The following SLC5A3 variants were observed in gnomAD, a reference collection of about 807,000 sequenced individuals.
SLC5A3 encodes the protein sodium/myo-inositol cotransporter.
A neutral mutation model predicts 43.2 loss-of-function variants in SLC5A3; 10 were observed. The observed-to-expected ratio is 0.23, with a 90% confidence interval of 0.14 to 0.39. The LOEUF (loss-of-function observed/expected upper bound fraction) is 0.39, where lower values mean the gene tolerates loss of function less well. SLC5A3 is among the 10% of genes least tolerant of loss of function. SLC5A3 has a pLI of 1.00. For missense variants in SLC5A3, 608 were observed against 893.4 expected (o/e 0.68, Z 4.07); for synonymous variants, 349 against 322.0 (o/e 1.08, Z -0.90).
Position 34,096,802 on chromosome 21 carries a change from C to T in SLC5A3, c.1604C>T (p.Pro535Leu). 1 of 1,614,056 alleles carries T rather than the reference C, an allele frequency of 6.2e-7. No homozygotes were observed. The highest frequency in any genetic ancestry group is 8.5e-7 in the Non-Finnish European group (1 of 1,179,962). ...GTAATTGTGAGCCTTCTCACACCAC[C>T]TCCCACAAAGGAACAGATTCGAACC... is the stretch of plus-strand genomic sequence containing the variant. ...ITVIVSLLTPPPTKEQIRTTT... is the reference protein window; with the variant it reads ...ITVIVSLLTPLPTKEQIRTTT... The change falls in exon 2 of 2, where the codon CCT becomes CTT. Residue 535 changes from proline to leucine, a missense_variant. By Grantham distance (98) the Pro-to-Leu change is moderately conservative (BLOSUM62 -3). Coordinates refer to ENST00000381151, the MANE Select transcript of SLC5A3 (RefSeq NM_006933.7). The surrounding 1 kb of genome is among the most constrained non-coding windows in gnomAD (Gnocchi z 5.9).
intron 1 of SLC5A3, among the ~76,000 whole-genome samples, chr21:34,078,666 C>T (rs1989389444): frequency 6.6e-6 from 1 of 152,106 alleles, no homozygotes; most frequent in Non-Finnish European, 1.5e-5. Flanking sequence ...TATTTTTCAT[C>T]TAGTGCCTTT....
chr21:34,091,673 C>G (rs1334785986), intron 1 of SLC5A3, among the ~76,000 whole-genome samples: 1 of 152,188 alleles, frequency 6.6e-6, no homozygotes, highest in East Asian at 1.9e-4. Flanking sequence ...ACCAAAACTG[C>G]ATTCTAATTC....
chr21:34,092,150 A>G (rs1461474897), intron 1 of SLC5A3, among the ~76,000 whole-genome samples: 1 of 151,954 alleles, frequency 6.6e-6, no homozygotes, highest in African/African-American at 2.4e-5. Flanking sequence ...AACATACTGT[A>G]TATTCAGAAC....
Position 34,104,903 on chromosome 21 carries a change from C to G in SLC5A3, c.*7548C>G, listed in dbSNP as rs748383912. The stretch of plus-strand genomic sequence containing the variant: ...TCTGGAGATTTCTTTGGCAGAAATG[C>G]CTTTCATCTATAATTTCATGGAGAA... On this transcript the variant is annotated 3_prime_UTR_variant, in exon 2 of 2. Transcript: ENST00000381151. 1.0e-6 allele frequency: 1 copy of G among 1,000,042 alleles called. No individual in the cohort carries two copies. The highest frequency in any genetic ancestry group is 4.7e-5 in the South Asian group (1 of 21,286). The allele number at this position is 1,000,042 out of a possible 1,614,324, so 61.9% of individuals were successfully genotyped here. A position where few individuals can be genotyped will look rare whatever the true frequency, so the allele number is the denominator to read the frequency against.
rs896466699 is a variant in SLC5A3 at position 34,100,411 on chromosome 21, A to G, written c.*3056A>G. 2.0e-5 allele frequency: 20 copies of G among 1,000,192 alleles called. No individual in the cohort carries two copies. The highest frequency in any genetic ancestry group is 3.5e-5 in the African/African-American group (2 of 57,340). The allele number at this position is 1,000,192 out of a possible 1,614,324, so 62.0% of individuals were successfully genotyped here. A position where few individuals can be genotyped will look rare whatever the true frequency, so the allele number is the denominator to read the frequency against. On this transcript the variant is annotated 3_prime_UTR_variant, in exon 2 of 2. Coordinates refer to ENST00000381151, the MANE Select transcript of SLC5A3 (RefSeq NM_006933.7). ...TGAGCCGATTTCTTCTTCCCCAGCTATTCTTTCCTGGGGGTAATTATGCTT... is the reference window on the plus strand; with the variant it reads ...TGAGCCGATTTCTTCTTCCCCAGCTGTTCTTTCCTGGGGGTAATTATGCTT...
rs1979411774 is a variant in SLC5A3, at chr21:34,104,990, T to C, written c.*7635T>C. 3.8e-5 allele frequency: 38 copies of C among 999,222 alleles called. No homozygotes were observed. The highest frequency in any genetic ancestry group is 4.6e-5 in the Non-Finnish European group (38 of 829,156). 61.9% of individuals were successfully genotyped at this position (999,222 alleles called of 1,614,324 possible). A position where few individuals can be genotyped will look rare whatever the true frequency, so the allele number is the denominator to read the frequency against. ...AGTGTAAATATGTATAATTAGAGTT[T>C]TCTAATTTCACTGTGAGATCTCTAA... On this transcript the variant is annotated 3_prime_UTR_variant, in exon 2 of 2. Coordinates refer to ENST00000381151, the MANE Select transcript of SLC5A3 (RefSeq NM_006933.7).
At chr21:34,084,795 T>C (rs1386643714) in intron 1 of SLC5A3, among the ~76,000 whole-genome samples, 1 of 152,238 alleles carries the variant, frequency 6.6e-6, no homozygotes, top group East Asian at 1.9e-4. Flanking sequence ...TTCTTTATCT[T>C]AAAATTTTTT....
In SLC5A3 at chr21:34,104,466, G is replaced by A; in HGVS notation, c.*7111G>A. 1.0e-6 allele frequency: 1 copy of A among 999,088 alleles called. No individual in the cohort carries two copies. Among genetic ancestry groups the A allele is most frequent in the Non-Finnish European group, 1.2e-6 (1 of 829,098 alleles). 61.9% of individuals were successfully genotyped at this position (999,088 alleles called of 1,614,324 possible). A position where few individuals can be genotyped will look rare whatever the true frequency, so the allele number is the denominator to read the frequency against. The stretch of plus-strand genomic sequence containing the variant: ...TTAAAAGATGTAATTCTCAGAATGG[G>A]AGAGAAATGACTACCTTTGTTCCTA... On this transcript the variant is annotated 3_prime_UTR_variant, in exon 2 of 2. Coordinates refer to ENST00000381151, the MANE Select transcript of SLC5A3 (RefSeq NM_006933.7).
In SLC5A3 at chr21:34,102,889, G is replaced by A. The variant is rs1569418991; in HGVS notation, c.*5534G>A. 4.0e-6 allele frequency: 4 copies of A among 999,684 alleles called. No homozygotes were observed. The highest frequency in any genetic ancestry group is 4.8e-6 in the Non-Finnish European group (4 of 829,886). The allele number at this position is 999,684 out of a possible 1,614,324, so 61.9% of individuals were successfully genotyped here. On this transcript the variant is annotated 3_prime_UTR_variant, in exon 2 of 2. Transcript: ENST00000381151. ...GAGGAATACATATTACAGTGAATTC[G>A]ACAACCGCACAAGTTGGCAGTAGGT...
At chr21:34,091,367 A>AT (rs1009193331) in intron 1 of SLC5A3, among the ~76,000 whole-genome samples, 13 of 151,386 alleles carry the variant, frequency 8.6e-5, no homozygotes, top group East Asian at 1.9e-4. Flanking sequence ...TTATTTTATT[A>AT]TTTTTTTGAT....
chr21:34,105,416 C>CTTCA lies in SLC5A3; in HGVS notation c.*8072_*8075dup, dbSNP rs1226880122. The CTTCA allele has an allele frequency of 4.0e-6, 4 of 998,452 alleles. No homozygotes were observed. The African/African-American group carries it at 5.2e-5, about 13-fold the overall frequency. The allele number at this position is 998,452 out of a possible 1,614,324, so 61.8% of individuals were successfully genotyped here. A position where few individuals can be genotyped will look rare whatever the true frequency, so the allele number is the denominator to read the frequency against. ...TTTCTAATAATATCCTGTGAAATTG[C>CTTCA]TTCATTCATTCATTTATTTTTAAGC... On this transcript the variant is annotated 3_prime_UTR_variant, in exon 2 of 2. Coordinates refer to ENST00000381151, the MANE Select transcript of SLC5A3 (RefSeq NM_006933.7).
At chr21:34,078,076 G>C (rs1989375956) in intron 1 of SLC5A3, among the ~76,000 whole-genome samples, 1 of 152,182 alleles carries the variant, frequency 6.6e-6, no homozygotes, top group Non-Finnish European at 1.5e-5. Flanking sequence ...CTAGGAAATA[G>C]TGAAGTTTCT....
chr21:34,083,055 A>G (rs899845725), intron 1 of SLC5A3, among the ~76,000 whole-genome samples: 6 of 152,204 alleles, frequency 3.9e-5, no homozygotes, highest in African/African-American at 4.8e-5. Context: ...CCCAGAATCG[A>G]GAATTCCTGG....
intron 1 of SLC5A3, among the ~76,000 whole-genome samples, chr21:34,083,654 A>G (rs1192299611): frequency 6.6e-6 from 1 of 152,170 alleles, no homozygotes; most frequent in Non-Finnish European, 1.5e-5. Flanking sequence ...AAACAGTTGT[A>G]TGAAGTATAG....
chr21:34,089,934 G>A (rs1390776798), intron 1 of SLC5A3, among the ~76,000 whole-genome samples: 2 of 152,214 alleles, frequency 1.3e-5, no homozygotes, highest in African/African-American at 4.8e-5. Context: ...TGAATATCCC[G>A]TATCTTAAAT....
chr21:34,099,312 G>A lies in SLC5A3; in HGVS notation c.*1957G>A. On this transcript the variant is annotated 3_prime_UTR_variant, in exon 2 of 2. Coordinates refer to ENST00000381151, the MANE Select transcript of SLC5A3 (RefSeq NM_006933.7). ...TCCAAGGTTATGAAGTCTCTTTTGGGAAGAACAGAAACCAGGTCTCCAAAT... is the reference window on the plus strand; with the variant it reads ...TCCAAGGTTATGAAGTCTCTTTTGGAAAGAACAGAAACCAGGTCTCCAAAT... 1 of 1,000,178 alleles carries A rather than the reference G, an allele frequency of 1.0e-6. No homozygotes were observed. Among genetic ancestry groups the A allele is most frequent in the Non-Finnish European group, 1.2e-6 (1 of 829,958 alleles). The allele number at this position is 1,000,178 out of a possible 1,614,324, so 62.0% of individuals were successfully genotyped here. A position where few individuals can be genotyped will look rare whatever the true frequency, so the allele number is the denominator to read the frequency against.
intron 1 of SLC5A3, among the ~76,000 whole-genome samples, chr21:34,076,330 TA>T (rs1989330186): frequency 6.6e-6 from 1 of 152,166 alleles, no homozygotes; most frequent in Non-Finnish European, 1.5e-5. Context: ...TGCAAAGTTT[TA>T]AAATTTAAAA....
chr21:34,097,832 T>C lies in SLC5A3; in HGVS notation c.*477T>C. On this transcript the variant is annotated 3_prime_UTR_variant, in exon 2 of 2. Coordinates refer to ENST00000381151, the MANE Select transcript of SLC5A3 (RefSeq NM_006933.7). ...AATCAGTTATGTACTGAAAATCGAA[T>C]GTGCTTGTGTGATACTTGTTTCAGG... 2.0e-6 allele frequency: 2 copies of C among 997,918 alleles called. No homozygotes were observed. The highest frequency in any genetic ancestry group is 2.4e-6 in the Non-Finnish European group (2 of 827,822). The allele number at this position is 997,918 out of a possible 1,614,324, so 61.8% of individuals were successfully genotyped here. A position where few individuals can be genotyped will look rare whatever the true frequency, so the allele number is the denominator to read the frequency against.
chr21:34,079,237 T>C (rs928473424), intron 1 of SLC5A3, among the ~76,000 whole-genome samples: 18 of 152,218 alleles, frequency 1.2e-4, no homozygotes, highest in Non-Finnish European at 5.9e-5. Context: ...CATAAAACTT[T>C]CACATTTCAG....
Sources: gnomAD v4.1 joint callset for allele counts (sites outside exome capture counted in the v4.1 genomes callset) on GRCh38, gnomAD v4.1.1 for gene constraint, Gnocchi (gnomAD v3.1) non-coding constraint, MANE v1.5 for transcripts, NCBI Gene and HGNC (gene_info 2026-07-23, HGNC 2026-07-21) for gene names.